Variants in REV1 observed in about 807,000 individuals in gnomAD.
The protein encoded by REV1 is REV1 DNA directed polymerase, also known as translesion synthesis protein REV1.
A neutral mutation model predicts 137.4 loss-of-function variants in REV1; 42 were observed. The observed-to-expected ratio is 0.31, with a 90% CI of 0.24 to 0.40. The LOEUF is 0.40. Ranked by LOEUF, REV1 falls within the 10% of genes least tolerant of loss-of-function variation. REV1 has a pLI of 1.00. For missense variants in REV1, 1,282 were observed against 1,490.1 expected (o/e 0.86, Z 2.30); for synonymous variants, 524 against 519.2 (o/e 1.01, Z -0.12).
intron 1 of REV1, among the ~76,000 whole-genome samples, chr2:99,481,780 G>A (rs1029148369): frequency 5.9e-5 from 9 of 152,090 alleles, no homozygotes; most frequent in African/African-American, 2.2e-4. Context: ...GAGGCAGGAG[G>A]ATCACTTTGG....
intron 3 of REV1, among the ~76,000 whole-genome samples, chr2:99,454,192 C>T (rs560699148): frequency 6.6e-6 from 1 of 151,068 alleles, no homozygotes; most frequent in South Asian, 2.1e-4. Flanking sequence ...GAGTTTGAGA[C>T]CAACCTAGGC....
intron 1 of REV1, among the ~76,000 whole-genome samples, chr2:99,467,621 G>T (rs1420300696): frequency 6.6e-6 from 1 of 152,172 alleles, no homozygotes; most frequent in Non-Finnish European, 1.5e-5. Context: ...AAAAAGTAGA[G>T]TCCAAGGGTC....
chr2:99,471,141 A>T (rs552744017), intron 1 of REV1, among the ~76,000 whole-genome samples: 1,675 of 53,234 alleles, frequency 0.031, 9 homozygotes, highest in Middle Eastern at 0.064. Context: ...AGGTTGAAAC[A>T]CAATTTGCCT....
chr2:99,406,150 G>T (rs1373489764), intron 16 of REV1, 44 bp from the exon 17 acceptor site: 1 of 1,515,100 alleles, frequency 6.6e-7, no homozygotes, highest in Non-Finnish European at 8.9e-7. Context: ...AGATCATCGG[G>T]CAGGGCCTTT....
At chr2:99,443,026 C>T (rs998899543) in intron 4 of REV1, among the ~76,000 whole-genome samples, 4 of 152,182 alleles carry the variant, frequency 2.6e-5, no homozygotes, top group Non-Finnish European at 5.9e-5. Context: ...AGTGTTCTAA[C>T]GCTAGGTGGT....
Position 99,444,750 on chromosome 2 carries a change from T to C in REV1, c.351-2281A>G, listed in dbSNP as rs187872408. The stretch of plus-strand genomic sequence containing the variant: ...CTACCCCTGCTTGCCCATTTATCTA[T>C]CTATAGATATATAGACAGAAACATT... On this transcript the variant is annotated intron_variant, in intron 4 of 22. Coordinates refer to ENST00000258428, the MANE Select transcript of REV1 (RefSeq NM_016316.4). Among the ~76,000 whole-genome samples the C allele has an allele frequency of 1.1e-4, 17 of 152,324 alleles. No individual in the cohort carries two copies. The East Asian group carries it at 2.7e-3, about 24-fold the overall frequency.
intron 1 of REV1, among the ~76,000 whole-genome samples, chr2:99,485,064 TA>T (rs927368922): frequency 5.9e-5 from 9 of 151,802 alleles, no homozygotes; most frequent in African/African-American, 1.9e-4. Flanking sequence ...CTTTGACTTT[TA>T]AAAAAAAATT....
intron 3 of REV1, among the ~76,000 whole-genome samples, chr2:99,460,950 TTCC>T (rs1226654570): frequency 6.6e-6 from 1 of 152,220 alleles, no homozygotes; most frequent in Non-Finnish European, 1.5e-5. Context: ...TCTCTTTTTC[TTCC>T]TCCTATGTGA....
At position 99,404,015 on chromosome 2, in the gene REV1, A is replaced by T. The variant is rs28382966; in HGVS notation, c.3046-200T>A. Among the ~76,000 whole-genome samples the T allele has an allele frequency of 3.3e-4, 51 of 152,336 alleles. 2 individuals carry two copies. In the East Asian group the frequency reaches 4.8e-3, roughly 14 times the overall value. On this transcript the variant is annotated intron_variant, in intron 18 of 22. Coordinates refer to ENST00000258428, the MANE Select transcript of REV1 (RefSeq NM_016316.4). ...TAAGGAATTAAGAGCAAGAATAAGG[A>T]ATTAAGAGTACTAACTTAAAGAAAC...
chr2:99,472,802 A>G (rs1444143702), intron 1 of REV1, among the ~76,000 whole-genome samples: 2 of 152,226 alleles, frequency 1.3e-5, no homozygotes, highest in Non-Finnish European at 2.9e-5. Flanking sequence ...CGCATGCCCT[A>G]AAAAAAGTTT....
chr2:99,487,091 G>C (rs2104331526), intron 1 of REV1, among the ~76,000 whole-genome samples: 1 of 152,370 alleles, frequency 6.6e-6, no homozygotes, highest in African/African-American at 2.4e-5. Flanking sequence ...TGACCACTTA[G>C]AGGAAGGGGT....
At chr2:99,424,514 A>G in intron 9 of REV1, 4 of 505,408 alleles carry the variant, frequency 7.9e-6, no homozygotes, top group Non-Finnish European at 1.0e-5. Flanking sequence ...TCATTAAAAT[A>G]CCAGGTTTGG....
intron 4 of REV1, among the ~76,000 whole-genome samples, chr2:99,443,846 T>TC (rs1424331718): frequency 1.4e-5 from 2 of 146,916 alleles, no homozygotes; most frequent in Non-Finnish European, 3.0e-5. Flanking sequence ...CAACTTTTCT[T>TC]CCTTTTTTTT....
intron 12 of REV1, among the ~76,000 whole-genome samples, chr2:99,413,157 A>G (rs913339382): frequency 4.6e-5 from 7 of 152,220 alleles, no homozygotes; most frequent in Non-Finnish European, 1.0e-4. Flanking sequence ...CTACTTCTCA[A>G]TTTGGACTCC....
intron 6 of REV1, among the ~76,000 whole-genome samples, chr2:99,437,678 T>A (rs7582085): frequency 0.16 from 24,685 of 152,114 alleles, 2,511 homozygotes; most frequent in African/African-American, 0.27. Context: ...TTTATTCCCA[T>A]TCACAGAACT....
intron 1 of REV1, among the ~76,000 whole-genome samples, chr2:99,483,035 T>A (rs186131233): frequency 0.15 from 21,344 of 142,672 alleles, 1,982 homozygotes; most frequent in African/African-American, 0.26. Context: ...AAAAAAAAAA[T>A]TTTTTTTTTG....
chr2:99,417,571 T>C (rs891557691), intron 12 of REV1, among the ~76,000 whole-genome samples: 1 of 152,148 alleles, frequency 6.6e-6, no homozygotes, highest in African/African-American at 2.4e-5. Flanking sequence ...GACATGCATA[T>C]GGGGAAGGCC....
rs947818873 is a variant in REV1, at chr2:99,442,375, T to G, written c.445A>C (p.Arg149=). Residue 149 remains arginine, a synonymous_variant, in exon 5 of 23, where the codon AGA becomes CGA. Coordinates refer to ENST00000258428, the MANE Select transcript of REV1 (RefSeq NM_016316.4). ...GGACCTGGCAGAGGATCCTCAGGTC[T>G]GCATACAGGATTAAAGCTGAGACCT... ...QKGLSFNPVC[R]PEDPLPGPSN... is the part of the protein sequence containing the mutation. The G allele has an allele frequency of 2.5e-6, 4 of 1,613,590 alleles. No individual in the cohort carries two copies. Among genetic ancestry groups the G allele is most frequent in the East Asian group, 4.5e-5 (2 of 44,876 alleles).
chr2:99,469,450 T>C (rs796878108), intron 1 of REV1, among the ~76,000 whole-genome samples: 3 of 152,216 alleles, frequency 2.0e-5, no homozygotes, highest in African/African-American at 7.2e-5. Flanking sequence ...GTAATCAAAT[T>C]ATAAAGACCA....
Sources: allele counts gnomAD v4.1 joint callset (sites outside exome capture counted in the v4.1 genomes callset), GRCh38; gene constraint gnomAD v4.1.1; transcripts MANE v1.5; gene names NCBI Gene and HGNC (gene_info 2026-07-23, HGNC 2026-07-21).